NRXN3: variants seen among roughly 807,000 people sequenced by gnomAD.
The protein encoded by NRXN3 is neurexin 3.
A neutral mutation model predicts 137.6 loss-of-function variants in NRXN3; 32 were observed. That is an observed-to-expected ratio of 0.23 (90% CI 0.18 to 0.31). The LOEUF (loss-of-function observed/expected upper bound fraction) is 0.31, where lower values mean the gene tolerates loss of function less well. Ranked by LOEUF, NRXN3 falls within the 10% of genes least tolerant of loss-of-function variation. The pLI, the probability that NRXN3 is intolerant of heterozygous loss-of-function variation, is 1.00. For synonymous variants in NRXN3, 798 were observed against 784.5 expected (o/e 1.02, Z -0.29); for missense variants, 1,574 against 2,062.5 (o/e 0.76, Z 4.59).
At chr14:78,968,020 A>G (rs1217256793) in intron 13 of NRXN3, among the ~76,000 whole-genome samples, 153 bp from the exon 14 acceptor site, 1 of 146,688 alleles carries the variant, frequency 6.8e-6, no homozygotes, top group Non-Finnish European at 1.5e-5. Context: ...GCAGGGTAGA[A>G]ACTCAGGTGC....
In NRXN3 at chr14:78,432,765, T is replaced by C. The variant is rs560188995; in HGVS notation, c.757+134905T>C. Among the ~76,000 whole-genome samples the C allele has an allele frequency of 1.4e-4, 21 of 152,210 alleles. No homozygotes were observed. The South Asian group carries it at 4.4e-3, about 32-fold the overall frequency. ...CTGGCAGGTATACCTGACAGACTGG[T>C]ATAATTGTTGGAATCAGGAATGTCT... On this transcript the variant is annotated intron_variant, in intron 4 of 20. Transcript: ENST00000335750.
chr14:78,843,678 A>G (rs2099018992), intron 10 of NRXN3, among the ~76,000 whole-genome samples: 1 of 152,110 alleles, frequency 6.6e-6, no homozygotes, highest in African/African-American at 2.4e-5. Flanking sequence ...GGGTAATTCC[A>G]TTTCCCTCAA....
chr14:79,168,747 T>G (rs976678115), intron 15 of NRXN3, among the ~76,000 whole-genome samples: 10 of 152,040 alleles, frequency 6.6e-5, no homozygotes, highest in Non-Finnish European at 1.5e-4. Context: ...AATGCAGCAT[T>G]TCCTTCAAAA....
At chr14:79,124,039 C>A (rs545921365) in intron 15 of NRXN3, among the ~76,000 whole-genome samples, 1 of 152,276 alleles carries the variant, frequency 6.6e-6, no homozygotes, top group Admixed American at 6.5e-5. Context: ...ATCTTGGCGT[C>A]TGAAAAATGT....
intron 10 of NRXN3, among the ~76,000 whole-genome samples, chr14:78,923,213 A>C (rs890912610): frequency 1.3e-5 from 2 of 152,178 alleles, no homozygotes; most frequent in African/African-American, 2.4e-5. Context: ...AAATACATTG[A>C]ATATCCTGCC....
At chr14:78,737,350 A>G (rs2098545602) in intron 8 of NRXN3, among the ~76,000 whole-genome samples, 1 of 152,148 alleles carries the variant, frequency 6.6e-6, no homozygotes, top group Non-Finnish European at 1.5e-5. Context: ...CAAGTGCACT[A>G]TAGGAAATCC....
intron 4 of NRXN3, among the ~76,000 whole-genome samples, chr14:78,511,981 T>G (rs987327275): frequency 3.9e-5 from 6 of 152,186 alleles, no homozygotes; most frequent in Non-Finnish European, 7.3e-5. Context: ...TTTAGCAACT[T>G]CCTCATTAGG....
At chr14:79,629,957 A>C (rs988978178) in intron 16 of NRXN3, among the ~76,000 whole-genome samples, 30 of 152,168 alleles carry the variant, frequency 2.0e-4, no homozygotes, top group Non-Finnish European at 5.9e-5. Context: ...GTAAGGGGGT[A>C]GTTAATGAAA....
At chr14:79,345,087 A>AT (rs1041465115) in intron 15 of NRXN3, among the ~76,000 whole-genome samples, 1 of 152,064 alleles carries the variant, frequency 6.6e-6, no homozygotes, top group Non-Finnish European at 1.5e-5. Flanking sequence ...GTTTAACTGC[A>AT]TTTTTTGTTT....
At chr14:78,580,248 G>T (rs1323603373) in intron 4 of NRXN3, among the ~76,000 whole-genome samples, 1 of 152,082 alleles carries the variant, frequency 6.6e-6, no homozygotes, top group Non-Finnish European at 1.5e-5. Flanking sequence ...CTGCTGAAAT[G>T]TACTCATGCC....
At chr14:79,857,330 T>G (rs2141873044) in intron 20 of NRXN3, among the ~76,000 whole-genome samples, 1 of 152,270 alleles carries the variant, frequency 6.6e-6, no homozygotes, top group East Asian at 1.9e-4. Context: ...CACGCCATTC[T>G]CCTGCCTCAG....
At chr14:78,188,417 A>T (rs2060428641) in intron 1 of NRXN3, among the ~76,000 whole-genome samples, 1 of 152,192 alleles carries the variant, frequency 6.6e-6, no homozygotes, top group African/African-American at 2.4e-5. Flanking sequence ...GGGATACAGT[A>T]CTGTGTTTAG....
At chr14:79,570,489 G>A (rs1023157781) in intron 16 of NRXN3, 1 of 152,180 alleles carries the variant, frequency 6.6e-6, no homozygotes, top group Non-Finnish European at 1.5e-5. Context: ...CAGGACTCTT[G>A]AAGAATATTC....
At chr14:78,639,432 C>T (rs2097597169) in intron 4 of NRXN3, among the ~76,000 whole-genome samples, 1 of 152,196 alleles carries the variant, frequency 6.6e-6, no homozygotes, top group Non-Finnish European at 1.5e-5. Context: ...TCAGAGGGGT[C>T]AGCATTTTAA....
At position 78,912,029 on chromosome 14, in the gene NRXN3, C is replaced by T. The variant is rs549222873; in HGVS notation, c.2276-45213C>T. On this transcript the variant is annotated intron_variant, in intron 10 of 20. Transcript: ENST00000335750. ...TGGTGTGCTGCACCCATTAACTCGT[C>T]ATTTAGCATTAGGTATATCTCCTAA... Among the ~76,000 whole-genome samples, 549 of 151,230 alleles carry T rather than the reference C, an allele frequency of 3.6e-3. 3 individuals are homozygous for T. The highest frequency in any genetic ancestry group is 0.013 in the African/African-American group (516 of 40,818).
intron 15 of NRXN3, among the ~76,000 whole-genome samples, chr14:79,153,982 C>T (rs925413782): frequency 7.2e-5 from 11 of 151,976 alleles, no homozygotes; most frequent in African/African-American, 2.2e-4. Flanking sequence ...AGCAGGGTCA[C>T]GCAGGATTAG....
intron 16 of NRXN3, among the ~76,000 whole-genome samples, chr14:79,649,045 C>T (rs941132980): frequency 6.6e-6 from 1 of 152,122 alleles, no homozygotes; most frequent in Non-Finnish European, 1.5e-5. Context: ...CAAGTAAGGC[C>T]TGGTCGATAA....
intron 4 of NRXN3, among the ~76,000 whole-genome samples, chr14:78,642,841 T>C (rs2097648853): frequency 6.6e-6 from 1 of 152,226 alleles, no homozygotes; most frequent in African/African-American, 2.4e-5. Flanking sequence ...GTGTTGAATT[T>C]CTGCTTTATT....
At chr14:78,236,523 T>A (rs2066325604) in intron 1 of NRXN3, among the ~76,000 whole-genome samples, 1 of 152,242 alleles carries the variant, frequency 6.6e-6, no homozygotes, top group Admixed American at 6.5e-5. Context: ...TGAATAGTGT[T>A]GCCATGAACA....
Sources: allele counts gnomAD v4.1 joint callset (sites outside exome capture counted in the v4.1 genomes callset), GRCh38; gene constraint gnomAD v4.1.1; transcripts MANE v1.5; gene names NCBI Gene and HGNC (gene_info 2026-07-23, HGNC 2026-07-21).